SUMF1: variants seen among roughly 807,000 people sequenced by gnomAD.
SUMF1 encodes the protein sulfatase modifying factor 1.
Under a neutral mutation model 47.6 loss-of-function variants are expected in SUMF1, and 48 were observed. That is an observed-to-expected ratio of 1.01 (90% CI 0.80 to 1.28). SUMF1 has a LOEUF of 1.28. Among genes scored for constraint, SUMF1 ranks in the 50% most tolerant of loss-of-function variants. The probability of loss-of-function intolerance (pLI) is 0.00; values close to 1 mark genes in which losing one functional copy is unlikely to be tolerated. For synonymous variants in SUMF1, 230 were observed against 192.1 expected (o/e 1.20, Z -1.63); for missense variants, 571 against 485.4 (o/e 1.18, Z -1.66).
intron 7 of SUMF1, among the ~76,000 whole-genome samples, chr3:4,399,860 T>G (rs374577472): frequency 4.6e-5 from 7 of 152,246 alleles, no homozygotes; most frequent in South Asian, 4.1e-4. Context: ...TAGGTTCAAG[T>G]GATTCTTGTG....
chr3:4,402,260 TGGA>T (rs1701236071), intron 7 of SUMF1, among the ~76,000 whole-genome samples: 1 of 152,202 alleles, frequency 6.6e-6, no homozygotes, highest in African/African-American at 2.4e-5. Context: ...TCTTCATCTT[TGGA>T]TCCCATGGAC....
chr3:4,246,216 C>T (rs894520915), intron 8 of SUMF1, among the ~76,000 whole-genome samples: 8 of 152,154 alleles, frequency 5.3e-5, no homozygotes, highest in East Asian at 1.9e-4. Flanking sequence ...TTGTGCTTCC[C>T]GGGTGAGGTG....
chr3:4,189,396 C>T (rs933232460), intron 8 of SUMF1, among the ~76,000 whole-genome samples: 1 of 152,102 alleles, frequency 6.6e-6, no homozygotes, highest in African/African-American at 2.4e-5. Flanking sequence ...TTTTAAAAGA[C>T]AGGCATGTTA....
intron 8 of SUMF1, among the ~76,000 whole-genome samples, chr3:4,375,868 T>C (rs966867141): frequency 1.3e-5 from 2 of 152,196 alleles, no homozygotes; most frequent in African/African-American, 2.4e-5. Flanking sequence ...ATGATGCTTA[T>C]TTCACAAGGC....
In SUMF1 at chr3:4,366,520, C is replaced by T. The variant is rs530379997; in HGVS notation, c.1015-4266G>A. Among the ~76,000 whole-genome samples the T allele has an allele frequency of 4.3e-3, 648 of 150,386 alleles. 7 individuals carry two copies. The highest frequency in any genetic ancestry group is 0.015 in the African/African-American group (627 of 41,050). On this transcript the variant is annotated intron_variant, in intron 8 of 8. Coordinates refer to ENST00000272902, the MANE Select transcript of SUMF1 (RefSeq NM_182760.4). Reference sequence around the variant, plus strand: ...CAGTTGATTGCATCGACTCCTGAGGCTTTTGTATTCTTCACGTAGTTCTCG... The same window carrying T: ...CAGTTGATTGCATCGACTCCTGAGGTTTTTGTATTCTTCACGTAGTTCTCG...
chr3:4,449,598 A>G (rs991621525), intron 2 of SUMF1, among the ~76,000 whole-genome samples: 4 of 152,234 alleles, frequency 2.6e-5, no homozygotes, highest in African/African-American at 9.6e-5. Flanking sequence ...AGCTTTTGAG[A>G]ACGTGACTGT....
chr3:4,172,098 T>C (rs1034382708), intron 8 of SUMF1, among the ~76,000 whole-genome samples: 3 of 152,140 alleles, frequency 2.0e-5, no homozygotes, highest in African/African-American at 7.2e-5. Context: ...AATAAGACAG[T>C]AGCCAATGCA....
chr3:4,303,616 C>T, intron 8 of SUMF1: 3 of 1,380,906 alleles, frequency 2.2e-6, no homozygotes, highest in African/African-American at 1.5e-5. Context: ...GCCTCCCAGT[C>T]GCGACCTTTT....
chr3:4,220,853 G>A (rs1045813872), intron 8 of SUMF1, among the ~76,000 whole-genome samples: 4 of 152,028 alleles, frequency 2.6e-5, no homozygotes, highest in Non-Finnish European at 5.9e-5. Context: ...ATCCCTTCCA[G>A]CAACATGAAA....
chr3:4,074,188 C>A (rs1012279795), intron 8 of SUMF1, among the ~76,000 whole-genome samples: 2 of 152,174 alleles, frequency 1.3e-5, no homozygotes, highest in Non-Finnish European at 2.9e-5. Context: ...AAGAAACTCA[C>A]TCAAAACTGC....
chr3:4,431,806 G>C (rs990175645), intron 3 of SUMF1, among the ~76,000 whole-genome samples: 1 of 152,164 alleles, frequency 6.6e-6, no homozygotes, highest in Non-Finnish European at 1.5e-5. Flanking sequence ...ATTGAGAAAA[G>C]TCCTAAGTCA....
chr3:4,420,234 T>C (rs1701847720), intron 3 of SUMF1, 88 bp from the exon 4 acceptor site: 1 of 941,078 alleles, frequency 1.1e-6, no homozygotes, highest in Admixed American at 1.8e-5. Flanking sequence ...AAAATCTCAA[T>C]GTCTTCAACT....
intron 8 of SUMF1, among the ~76,000 whole-genome samples, chr3:4,354,880 T>C (rs1476088351): frequency 3.9e-5 from 6 of 152,226 alleles, no homozygotes; most frequent in Non-Finnish European, 8.8e-5. Context: ...AGCACTTTAT[T>C]TTTGCATTTT....
At chr3:4,450,833 C>T (rs1043211732) in intron 2 of SUMF1, among the ~76,000 whole-genome samples, 20 of 151,928 alleles carry the variant, frequency 1.3e-4, no homozygotes, top group Admixed American at 2.6e-4. Flanking sequence ...AGAGAAAATA[C>T]GGGCCAAGTT....
intron 8 of SUMF1, among the ~76,000 whole-genome samples, chr3:4,373,775 C>G (rs577288282): frequency 6.9e-6 from 1 of 145,924 alleles, no homozygotes; most frequent in Non-Finnish European, 1.5e-5. Flanking sequence ...AAACTAGATT[C>G]AAAAATACTC....
intron 8 of SUMF1, among the ~76,000 whole-genome samples, chr3:4,252,384 C>G (rs1340659972): frequency 6.6e-6 from 1 of 151,502 alleles, no homozygotes; most frequent in East Asian, 1.9e-4. Context: ...ACACACCCCA[C>G]TGGCTGTTTA....
intron 8 of SUMF1, among the ~76,000 whole-genome samples, chr3:4,111,609 C>G (rs1034006947): frequency 6.6e-6 from 1 of 151,832 alleles, no homozygotes; most frequent in African/African-American, 2.4e-5. Context: ...CTACCTGCCT[C>G]TAGTAGTTAG....
At chr3:4,347,663 GTA>G (rs1328192861) in intron 8 of SUMF1, among the ~76,000 whole-genome samples, 10 of 152,150 alleles carry the variant, frequency 6.6e-5, no homozygotes, top group African/African-American at 2.4e-4. Flanking sequence ...ATTCAACATT[GTA>G]TTGGAAGTTC....
intron 8 of SUMF1, among the ~76,000 whole-genome samples, chr3:4,071,768 T>A (rs1485903280): frequency 6.6e-6 from 1 of 152,186 alleles, no homozygotes; most frequent in African/African-American, 2.4e-5. Flanking sequence ...GGGAAGGGCA[T>A]ATGTGAACAA....
Sources: allele counts gnomAD v4.1 joint callset (sites outside exome capture counted in the v4.1 genomes callset), GRCh38; gene constraint gnomAD v4.1.1; transcripts MANE v1.5; gene names NCBI Gene and HGNC (gene_info 2026-07-23, HGNC 2026-07-21).